SLC24A2: variants seen among roughly 807,000 people sequenced by gnomAD.
SLC24A2 encodes sodium/potassium/calcium exchanger 2.
SLC24A2 carries 36 observed loss-of-function variants against 62.0 expected under a neutral mutation model. The ratio of observed to expected loss-of-function variants is 0.58; its 90% confidence interval spans 0.44 to 0.77. The LOEUF (loss-of-function observed/expected upper bound fraction) is 0.77. Ranked by LOEUF, SLC24A2 falls within the 30% of genes least tolerant of loss-of-function variation. The pLI is 0.00. For missense variants in SLC24A2, 846 were observed against 817.9 expected, an observed-to-expected ratio of 1.03 and a Z score of -0.42; for synonymous variants, 358 against 294.0, an observed-to-expected ratio of 1.22 and a Z score of -2.23.
the SLC24A2 span, among the ~76,000 whole-genome samples, chr9:20,285,035 T>C: frequency 6.6e-6 from 1 of 152,296 alleles, no homozygotes; most frequent in East Asian, 1.9e-4. Context: ...GATTACCTAA[T>C]ATTTACTACC....
intron 2 of SLC24A2, among the ~76,000 whole-genome samples, chr9:19,705,981 G>A (rs1483730904): frequency 1.2e-4 from 18 of 151,936 alleles, no homozygotes; most frequent in African/African-American, 3.6e-4. Context: ...CAATTCCTGG[G>A]TATCCTTGTT....
chr9:20,217,757 T>C, the SLC24A2 span, among the ~76,000 whole-genome samples: 1 of 152,198 alleles, frequency 6.6e-6, no homozygotes, highest in African/African-American at 2.4e-5. Flanking sequence ...AATATCTGTT[T>C]CAAATTATTG....
chr9:19,861,125 G>T, the SLC24A2 span, among the ~76,000 whole-genome samples: 5 of 152,260 alleles, frequency 3.3e-5, no homozygotes, highest in Admixed American at 2.6e-4. Context: ...AGCAGGGCTT[G>T]GGTAAGACCC....
At chr9:20,107,887 C>T in the SLC24A2 span, among the ~76,000 whole-genome samples, 1 of 152,162 alleles carries the variant, frequency 6.6e-6, no homozygotes, top group Non-Finnish European at 1.5e-5. Flanking sequence ...GCAAAAGAAA[C>T]TACCATCAGA....
At chr9:20,162,129 C>G in the SLC24A2 span, among the ~76,000 whole-genome samples, 2 of 151,694 alleles carry the variant, frequency 1.3e-5, no homozygotes, top group South Asian at 2.1e-4. Context: ...GTGATGTGAA[C>G]CTGTAGTCTC....
At chr9:20,277,296 G>A in the SLC24A2 span, among the ~76,000 whole-genome samples, 5 of 152,010 alleles carry the variant, frequency 3.3e-5, no homozygotes, top group Non-Finnish European at 7.3e-5. Flanking sequence ...GAGTGAACAG[G>A]CAACCTACAG....
the SLC24A2 span, among the ~76,000 whole-genome samples, chr9:20,222,759 A>C: frequency 6.6e-6 from 1 of 152,232 alleles, no homozygotes; most frequent in South Asian, 2.1e-4. Flanking sequence ...AAAAATGATG[A>C]AATGTGATAT....
chr9:19,817,928 CT>C, the SLC24A2 span, among the ~76,000 whole-genome samples: 3 of 151,994 alleles, frequency 2.0e-5, no homozygotes, highest in Non-Finnish European at 4.4e-5. Context: ...GGGATGGAGT[CT>C]ATGTTACCCA....
intron 2 of SLC24A2, among the ~76,000 whole-genome samples, chr9:19,623,890 C>T (rs1376367619): frequency 6.6e-6 from 1 of 152,130 alleles, no homozygotes; most frequent in African/African-American, 2.4e-5. Flanking sequence ...CTGAGCACAG[C>T]CTGTGGGCAT....
chr9:20,196,508 G>A, the SLC24A2 span, among the ~76,000 whole-genome samples: 1 of 152,058 alleles, frequency 6.6e-6, no homozygotes, highest in Non-Finnish European at 1.5e-5. Flanking sequence ...TTTAAAATCG[G>A]GATTTAGGAC....
In SLC24A2 at chr9:19,785,930, C is replaced by A. The variant is rs757283843; in HGVS notation, c.930+7G>T. On this transcript the variant is annotated splice_region_variant and intron_variant, in intron 2 of 10. Transcript: ENST00000341998. ...AAAGCATTAAATAAAAATCCACCACCACCAACCTTTGCTTGGGCTTCTGGT... is the reference window on the plus strand; with the variant it reads ...AAAGCATTAAATAAAAATCCACCACAACCAACCTTTGCTTGGGCTTCTGGT... 1 of 1,614,052 alleles carries A rather than the reference C, an allele frequency of 6.2e-7. No individual in the cohort carries two copies.
rs1832917869 is a variant in SLC24A2, at chr9:19,516,213, C to T, written c.1926G>A (p.Val642=). The part of the protein sequence containing the change: ...LGFIMFGLYF[V]FLVVSVLLED... ...CTAGGAGAACGCTCACCACCAGGAA[C>T]ACAAAGTAGAGGCCAAACATGATGA... is the stretch of plus-strand genomic sequence containing the variant. Residue 642 remains valine (V), a synonymous_variant, in exon 11 of 11, where the codon GTG becomes GTA. Transcript: ENST00000341998. 2 of 1,614,040 alleles carry T rather than the reference C, an allele frequency of 1.2e-6. No homozygotes were observed. Among genetic ancestry groups the T allele is most frequent in the African/African-American group, 1.3e-5 (1 of 74,904 alleles).
chr9:19,773,805 T>C (rs1385708416), intron 2 of SLC24A2, among the ~76,000 whole-genome samples: 5 of 152,222 alleles, frequency 3.3e-5, no homozygotes, highest in African/African-American at 1.2e-4. Flanking sequence ...TAAGATTAAA[T>C]ATTGATGATA....
chr9:19,770,540 T>G (rs746419543), intron 2 of SLC24A2, among the ~76,000 whole-genome samples: 10 of 152,188 alleles, frequency 6.6e-5, no homozygotes, highest in Non-Finnish European at 8.8e-5. Flanking sequence ...TGGGCTCAGA[T>G]AGTGATCCAT....
chr9:19,892,184 G>T, the SLC24A2 span, among the ~76,000 whole-genome samples: 1 of 152,028 alleles, frequency 6.6e-6, no homozygotes, highest in African/African-American at 2.4e-5. Flanking sequence ...TCTTTGAAGA[G>T]CTGCCTCTTT....
the SLC24A2 span, among the ~76,000 whole-genome samples, chr9:19,847,655 C>G: frequency 0.59 from 89,228 of 151,958 alleles, 26,860 homozygotes; most frequent in Non-Finnish European, 0.65. Context: ...TTACACAGAA[C>G]GCAAGCATGA....
chr9:20,088,895 G>A, the SLC24A2 span, among the ~76,000 whole-genome samples: 1 of 152,116 alleles, frequency 6.6e-6, no homozygotes, highest in Non-Finnish European at 1.5e-5. Context: ...CTTCACTGTT[G>A]ATACCTTCAG....
intron 9 of SLC24A2, among the ~76,000 whole-genome samples, chr9:19,526,607 T>C (rs1563933013): frequency 6.6e-6 from 1 of 152,210 alleles, no homozygotes; most frequent in Admixed American, 6.5e-5. Flanking sequence ...AATAATGATG[T>C]TGAGCATATT....
the SLC24A2 span, among the ~76,000 whole-genome samples, chr9:20,097,183 T>A: frequency 6.6e-6 from 1 of 152,194 alleles, no homozygotes; most frequent in Non-Finnish European, 1.5e-5. Flanking sequence ...CCTACCTGCC[T>A]CTTGCCCAGT....
Sources: gnomAD v4.1 joint callset for allele counts (sites outside exome capture counted in the v4.1 genomes callset) on GRCh38, gnomAD v4.1.1 for gene constraint, MANE v1.5 for transcripts, NCBI Gene and HGNC (gene_info 2026-07-23, HGNC 2026-07-21) for gene names.